The following RAPGEF4 variants were observed in gnomAD, a reference collection of about 807,000 sequenced individuals.
The protein encoded by RAPGEF4 is Rap guanine nucleotide exchange factor 4.
Under a neutral mutation model 147.9 loss-of-function variants are expected in RAPGEF4, and 66 were observed. The observed-to-expected ratio is 0.45, with a 90% CI of 0.37 to 0.55. The LOEUF (loss-of-function observed/expected upper bound fraction) is 0.55, where lower values mean the gene tolerates loss of function less well. Ranked by LOEUF, RAPGEF4 falls within the 20% of genes least tolerant of loss-of-function variation. RAPGEF4 has a pLI of 0.00. For missense variants in RAPGEF4, 1,071 were observed against 1,257.3 expected (o/e 0.85, Z 2.24); for synonymous variants, 419 against 442.7 (o/e 0.95, Z 0.67).
At chr2:172,784,200 G>A (rs1202231081) in intron 1 of RAPGEF4, among the ~76,000 whole-genome samples, 6 of 152,170 alleles carry the variant, frequency 3.9e-5, no homozygotes, top group African/African-American at 1.4e-4. Flanking sequence ...CTGTCATACA[G>A]ATGATACTCA....
At chr2:173,004,491 T>C (rs562206273) in intron 17 of RAPGEF4, among the ~76,000 whole-genome samples, 1 of 152,276 alleles carries the variant, frequency 6.6e-6, no homozygotes, top group Non-Finnish European at 1.5e-5. Flanking sequence ...ATTTTGTGTA[T>C]ATCCTTCCAG....
chr2:172,969,180 T>C (rs1239432927), intron 10 of RAPGEF4, among the ~76,000 whole-genome samples: 1 of 152,208 alleles, frequency 6.6e-6, no homozygotes, highest in Non-Finnish European at 1.5e-5. Context: ...AACCATGAGT[T>C]TCTTAAAGGC....
At chr2:173,018,614 C>A in intron 21 of RAPGEF4, 42 bp from the exon 22 acceptor site, 1 of 1,577,192 alleles carries the variant, frequency 6.3e-7, no homozygotes, top group Non-Finnish European at 8.6e-7. Flanking sequence ...TTATTGAAAA[C>A]TCTTAAGAGT....
rs61489023 is a variant in RAPGEF4 at position 172,996,386 on chromosome 2, A to AG, written c.1491-80_1491-79insG. ...CCCTGGGATCTCAAATTAAAAAAAA[A>AG]AAAAACTTAGATAAGTAAAAGTTTT... On this transcript the variant is annotated intron_variant, in intron 15 of 30. Coordinates refer to ENST00000397081, the MANE Select transcript of RAPGEF4 (RefSeq NM_007023.4). 2.0e-4 allele frequency: 159 copies of AG among 799,852 alleles called. No individual in the cohort carries two copies. The African/African-American group carries it at 2.4e-3, about 12-fold the overall frequency. 49.5% of individuals were successfully genotyped at this position (799,852 alleles called of 1,614,324 possible).
chr2:173,027,146 G>A lies in RAPGEF4; in HGVS notation c.2445G>A (p.Leu815=). The A allele has an allele frequency of 6.2e-7, 1 of 1,613,436 alleles. No individual in the cohort carries two copies. Among genetic ancestry groups the A allele is most frequent in the Non-Finnish European group, 8.5e-7 (1 of 1,179,704 alleles). The change falls in exon 25 of 31, where the codon TTG becomes TTA. Residue 815 remains leucine (L), a synonymous_variant. Coordinates refer to ENST00000397081, the MANE Select transcript of RAPGEF4 (RefSeq NM_007023.4). The part of the protein sequence containing the change: ...NFKKTTANLD[L]FLRRFNEIQF... Reference sequence around the variant, plus strand: ...AAAAGACCACAGCAAACTTGGATTTGTTCCTGAGGAGATTTAATGAAATTC... The same window carrying A: ...AAAAGACCACAGCAAACTTGGATTTATTCCTGAGGAGATTTAATGAAATTC...
chr2:172,812,661 G>A lies in RAPGEF4; in HGVS notation c.298-1618G>A, dbSNP rs539311791. On this transcript the variant is annotated intron_variant, in intron 3 of 30. Transcript: ENST00000397081. The stretch of plus-strand genomic sequence containing the variant: ...TCCTAGTTCTTTTGCATTATACTTC[G>A]CAAATAACCATATATATGTAAAATA... Among the ~76,000 whole-genome samples, 24 of 152,236 alleles carry A rather than the reference G, an allele frequency of 1.6e-4. No individual in the cohort carries two copies. The South Asian group carries it at 4.0e-3, about 25-fold the overall frequency.
At chr2:172,923,098 G>T (rs113542808) in intron 6 of RAPGEF4, among the ~76,000 whole-genome samples, 6 of 152,170 alleles carry the variant, frequency 3.9e-5, no homozygotes, top group African/African-American at 1.2e-4. Flanking sequence ...CCATGTCTGT[G>T]GGAAGATATA....
At chr2:172,761,981 G>A (rs543516005) in intron 1 of RAPGEF4, among the ~76,000 whole-genome samples, 1 of 152,258 alleles carries the variant, frequency 6.6e-6, no homozygotes, top group East Asian at 1.9e-4. Context: ...AATTAGCCAA[G>A]GGTGGTAACG....
intron 6 of RAPGEF4, among the ~76,000 whole-genome samples, chr2:172,939,162 T>A (rs1247682465): frequency 6.6e-6 from 1 of 152,182 alleles, no homozygotes; most frequent in East Asian, 1.9e-4. Flanking sequence ...AGTTTTCGAA[T>A]CAGTTGGGTA....
intron 8 of RAPGEF4, among the ~76,000 whole-genome samples, chr2:172,963,771 C>G (rs1689539776): frequency 6.6e-6 from 1 of 152,228 alleles, no homozygotes; most frequent in Non-Finnish European, 1.5e-5. Flanking sequence ...CCTCCTGCTT[C>G]TCACTCCATT....
rs1008470827 is a variant in RAPGEF4, at chr2:172,758,108, G to C, written c.65+22060G>C. On this transcript the variant is annotated intron_variant, in intron 1 of 30. Transcript: ENST00000397081. ...ATATTAAATAGGGTGGGCAGAATAGGGTTCACTGGGAAAGTGATTTGAGCA... is the reference window on the plus strand; with the variant it reads ...ATATTAAATAGGGTGGGCAGAATAGCGTTCACTGGGAAAGTGATTTGAGCA... 2.0e-5 allele frequency among the ~76,000 whole-genome samples: 3 copies of C among 152,274 alleles called. No homozygotes were observed. The East Asian group carries it at 5.8e-4, about 29-fold the overall frequency.
chr2:172,751,905 A>G (rs568856195), intron 1 of RAPGEF4, among the ~76,000 whole-genome samples: 8 of 152,332 alleles, frequency 5.3e-5, no homozygotes, highest in Non-Finnish European at 1.2e-4. Context: ...AAAACAATGA[A>G]AGGGATAGAT....
At chr2:172,964,043 G>T (rs1339146112) in intron 8 of RAPGEF4, among the ~76,000 whole-genome samples, 1 of 152,068 alleles carries the variant, frequency 6.6e-6, no homozygotes, top group African/African-American at 2.4e-5. Flanking sequence ...TTTTTGTAAA[G>T]GTAATCACTG....
intron 28 of RAPGEF4, 142 bp from the exon 29 acceptor site, chr2:173,036,486 C>T: frequency 1.4e-6 from 1 of 693,488 alleles, no homozygotes; most frequent in Non-Finnish European, 2.4e-6. Context: ...AGTTAAACAC[C>T]TAGCATTAAA....
At chr2:172,897,728 T>G (rs955669750) in intron 4 of RAPGEF4, among the ~76,000 whole-genome samples, 14 of 150,218 alleles carry the variant, frequency 9.3e-5, no homozygotes, top group African/African-American at 2.4e-4. Flanking sequence ...ATGGGAGTTT[T>G]CATCTATTTT....
rs528154716 is a variant in RAPGEF4 at position 172,786,735 on chromosome 2, A to C, written c.66-8290A>C. On this transcript the variant is annotated intron_variant, in intron 1 of 30. Coordinates refer to ENST00000397081, the MANE Select transcript of RAPGEF4 (RefSeq NM_007023.4). ...ACAAAAAATTTTCAAAATTAGCTGG[A>C]TGTGGTGGCATGTACCTGTAGTCCC... Among the ~76,000 whole-genome samples, 8 of 152,082 alleles carry C rather than the reference A, an allele frequency of 5.3e-5. No individual in the cohort carries two copies. The South Asian group carries it at 1.7e-3, about 32-fold the overall frequency.
chr2:173,022,405 A>G (rs1440384956), intron 23 of RAPGEF4, among the ~76,000 whole-genome samples: 7 of 152,232 alleles, frequency 4.6e-5, no homozygotes, highest in Non-Finnish European at 8.8e-5. Flanking sequence ...CTTCCCTATC[A>G]GCGCTCTGCC....
intron 4 of RAPGEF4, among the ~76,000 whole-genome samples, chr2:172,885,486 T>TG (rs1440283787): frequency 6.6e-6 from 1 of 152,200 alleles, no homozygotes. Flanking sequence ...TACCTGAGAC[T>TG]GGGCAATTTA....
intron 4 of RAPGEF4, among the ~76,000 whole-genome samples, chr2:172,850,182 T>G (rs1200667748): frequency 6.6e-6 from 1 of 152,198 alleles, no homozygotes; most frequent in African/African-American, 2.4e-5. Context: ...ATGATCTTGA[T>G]GTCTAAAATA....
Sources: gnomAD v4.1 joint callset for allele counts (sites outside exome capture counted in the v4.1 genomes callset) on GRCh38, gnomAD v4.1.1 for gene constraint, MANE v1.5 for transcripts, NCBI Gene and HGNC (gene_info 2026-07-23, HGNC 2026-07-21) for gene names.